SH3KBP1: variants seen among roughly 807,000 people sequenced by gnomAD.
SH3KBP1 encodes the protein SH3 domain-containing kinase-binding protein 1.
Under a neutral mutation model 50.1 loss-of-function variants are expected in SH3KBP1, and 8 were observed. The ratio of observed to expected loss-of-function variants is 0.16; its 90% CI spans 0.09 to 0.29. The LOEUF (loss-of-function observed/expected upper bound fraction) is 0.29. Ranked by LOEUF, SH3KBP1 falls within the 10% of genes least tolerant of loss-of-function variation. The pLI, the probability that SH3KBP1 is intolerant of heterozygous loss-of-function variation, is 1.00. For missense variants in SH3KBP1, 377 were observed against 535.2 expected (o/e 0.70, Z 2.92); for synonymous variants, 227 against 218.6 (o/e 1.04, Z -0.34).
At chrX:19,547,362 A>G (rs937312004) in intron 14 of SH3KBP1, among the ~76,000 whole-genome samples, 51 of 111,913 alleles carry the variant, frequency 4.6e-4, no homozygotes, top group Non-Finnish European at 8.3e-4. Context: ...CTGGTGGTAG[A>G]AAAACAGTCC....
chrX:19,848,661 A>C (rs1057193239), intron 1 of SH3KBP1, among the ~76,000 whole-genome samples: 1 of 112,439 alleles, frequency 8.9e-6, no homozygotes, highest in African/African-American at 3.2e-5. Flanking sequence ...CTGTATAGGA[A>C]TATTCTGGCT....
chrX:19,855,906 T>A (rs1179074353), intron 1 of SH3KBP1, among the ~76,000 whole-genome samples: 3 of 111,650 alleles, frequency 2.7e-5, no homozygotes, highest in Admixed American at 9.6e-5. Context: ...CTTTGCCAGA[T>A]TTTTTTCTTC....
At chrX:19,781,244 T>C (rs922091865) in intron 2 of SH3KBP1, among the ~76,000 whole-genome samples, 19 of 111,474 alleles carry the variant, frequency 1.7e-4, no homozygotes, top group African/African-American at 5.9e-4. Flanking sequence ...AAACTGCAGA[T>C]TCTGCATTTC....
rs2061970508 is a variant in SH3KBP1, at chrX:19,645,522, A to G, written c.727-47T>C. The stretch of plus-strand genomic sequence containing the variant: ...TTTACTTATCAAGATGATTGTCTCC[A>G]TTAAGCAAAGGAATAAGATCCAGAT... On this transcript the variant is annotated intron_variant, in intron 6 of 17. Coordinates refer to ENST00000397821, the MANE Select transcript of SH3KBP1 (RefSeq NM_031892.3). 9 of 958,312 alleles carry G rather than the reference A, an allele frequency of 9.4e-6. No individual in the cohort carries two copies. The East Asian group carries it at 2.8e-4, about 29-fold the overall frequency. The allele number at this position is 958,312 out of a possible 1,213,427, so 79.0% of individuals were successfully genotyped here.
intron 16 of SH3KBP1, 95 bp from the exon 17 acceptor site, chrX:19,537,875 C>T: frequency 1.4e-6 from 1 of 711,176 alleles, no homozygotes. Flanking sequence ...TCCATCTGAT[C>T]CTTTTTTACA....
chrX:19,546,389 T>C (rs1290597841), intron 14 of SH3KBP1, among the ~76,000 whole-genome samples: 1 of 112,387 alleles, frequency 8.9e-6, no homozygotes, highest in Admixed American at 9.4e-5. Context: ...GAGCTTGTAC[T>C]GCAGACTTAG....
chrX:19,587,163 G>A lies in SH3KBP1; in HGVS notation c.1298+1480C>T, dbSNP rs750167262. Among the ~76,000 whole-genome samples, 896 of 106,327 alleles carry A rather than the reference G, an allele frequency of 8.4e-3. 6 individuals carry two copies. The highest frequency in any genetic ancestry group is 0.014 in the Non-Finnish European group (722 of 51,385). 92.3% of individuals were successfully genotyped at this position (106,327 alleles called of 115,157 possible). A position where few individuals can be genotyped will look rare whatever the true frequency, so the allele number is the denominator to read the frequency against. ...CTTGAACCCAGGAGGAGGAGGTTGCGGTGAGCCGAGATTGCGCCATTGCAC... is the reference window on the plus strand; with the variant it reads ...CTTGAACCCAGGAGGAGGAGGTTGCAGTGAGCCGAGATTGCGCCATTGCAC... On this transcript the variant is annotated intron_variant, in intron 12 of 17. Transcript: ENST00000397821.
intron 13 of SH3KBP1, among the ~76,000 whole-genome samples, chrX:19,552,104 T>C (rs2147659732): frequency 8.9e-6 from 1 of 112,449 alleles, no homozygotes; most frequent in Non-Finnish European, 1.9e-5. Context: ...ATTCTGCTTA[T>C]TTCCCTTAAC....
intron 6 of SH3KBP1, among the ~76,000 whole-genome samples, chrX:19,662,286 T>C (rs2062480704): frequency 8.9e-6 from 1 of 112,209 alleles, no homozygotes; most frequent in African/African-American, 3.2e-5. Flanking sequence ...AAATAAAGTA[T>C]TGAGACATTG....
At chrX:19,683,151 G>A (rs948470095) in intron 6 of SH3KBP1, among the ~76,000 whole-genome samples, 4 of 111,377 alleles carry the variant, frequency 3.6e-5, no homozygotes, top group African/African-American at 1.3e-4. Context: ...CACAGTAGAC[G>A]TCATCGGCAG....
intron 2 of SH3KBP1, among the ~76,000 whole-genome samples, chrX:19,809,361 T>C (rs2067141967): frequency 9.1e-6 from 1 of 110,328 alleles, no homozygotes; most frequent in Non-Finnish European, 1.9e-5. Flanking sequence ...CTGTCTCTAC[T>C]AAAATACAAA....
At chrX:19,785,459 C>A (rs1412430968) in intron 2 of SH3KBP1, among the ~76,000 whole-genome samples, 1 of 110,573 alleles carries the variant, frequency 9.0e-6, no homozygotes, top group Admixed American at 9.6e-5. Flanking sequence ...GCCAGAGAGG[C>A]GGAGATTGCA....
intron 3 of SH3KBP1, among the ~76,000 whole-genome samples, chrX:19,709,587 C>T (rs2063730259): frequency 8.9e-6 from 1 of 112,000 alleles, no homozygotes; most frequent in South Asian, 3.7e-4. Context: ...TTGTGCCAAA[C>T]TCTCTGCAAT....
At chrX:19,863,655 T>C (rs2068833588) in intron 1 of SH3KBP1, among the ~76,000 whole-genome samples, 2 of 111,080 alleles carry the variant, frequency 1.8e-5, no homozygotes, top group African/African-American at 6.6e-5. Context: ...TGGGACGGGG[T>C]CCCCAGCTGG....
At chrX:19,678,678 A>T (rs747134398) in intron 6 of SH3KBP1, among the ~76,000 whole-genome samples, 1 of 111,557 alleles carries the variant, frequency 9.0e-6, no homozygotes, top group East Asian at 2.8e-4. Context: ...CATCTAATTA[A>T]TTAACTGGTT....
chrX:19,550,751 A>G (rs898390801), intron 13 of SH3KBP1, among the ~76,000 whole-genome samples: 3 of 110,798 alleles, frequency 2.7e-5, no homozygotes, highest in Non-Finnish European at 5.7e-5. Context: ...TGTGGCAGCC[A>G]TCTGGTGACC....
chrX:19,839,602 C>T (rs1384309877), intron 1 of SH3KBP1, among the ~76,000 whole-genome samples: 4 of 112,392 alleles, frequency 3.6e-5, no homozygotes, highest in South Asian at 3.6e-4. Flanking sequence ...GGATTACAGG[C>T]GTGAGCGACC....
intron 1 of SH3KBP1, among the ~76,000 whole-genome samples, chrX:19,837,328 G>A (rs1215583977): frequency 2.7e-5 from 3 of 111,835 alleles, no homozygotes; most frequent in Non-Finnish European, 5.6e-5. Context: ...AGGTAAGAAA[G>A]GTGGGTCTTC....
chrX:19,675,097 A>G (rs1001782412), intron 6 of SH3KBP1, among the ~76,000 whole-genome samples: 8 of 110,438 alleles, frequency 7.2e-5, no homozygotes, highest in African/African-American at 2.6e-4. Context: ...AAATAAATAA[A>G]TAAATAAATA....
Sources: allele counts gnomAD v4.1 joint callset (sites outside exome capture counted in the v4.1 genomes callset), GRCh38; gene constraint gnomAD v4.1.1; transcripts MANE v1.5; gene names NCBI Gene and HGNC (gene_info 2026-07-23, HGNC 2026-07-21).